STK33: variants seen among roughly 807,000 people sequenced by gnomAD.
STK33 encodes the protein serine/threonine-protein kinase 33.
STK33 carries 52 observed loss-of-function variants against 58.0 expected under a neutral mutation model. That is an observed-to-expected ratio of 0.90 (90% CI 0.72 to 1.13). The LOEUF (loss-of-function observed/expected upper bound fraction) is 1.13, where lower values mean the gene tolerates loss of function less well. Ranked by LOEUF, STK33 falls within the 50% of genes most tolerant of loss-of-function variation. The pLI is 0.00. For missense variants in STK33, 630 were observed against 604.2 expected (o/e 1.04, Z -0.45); for synonymous variants, 215 against 200.1 (o/e 1.07, Z -0.63).
At chr11:8,396,739 T>C (rs1475636517) in intron 15 of STK33, among the ~76,000 whole-genome samples, 1 of 152,198 alleles carries the variant, frequency 6.6e-6, no homozygotes, top group Non-Finnish European at 1.5e-5. Flanking sequence ...CAGATGGCAC[T>C]TGGAAAATCG....
chr11:8,571,594 G>A (rs1017500779), intron 1 of STK33, among the ~76,000 whole-genome samples: 2 of 152,164 alleles, frequency 1.3e-5, no homozygotes, highest in African/African-American at 4.8e-5. Flanking sequence ...AACACTTTGG[G>A]AGGCTGAGGC....
At chr11:8,534,532 T>TTCTCTCTCTCTCTCTCTC (rs61429377) in intron 1 of STK33, among the ~76,000 whole-genome samples, 1 of 122,450 alleles carries the variant, frequency 8.2e-6, no homozygotes, top group African/African-American at 3.2e-5. Flanking sequence ...GTATATATAT[T>TTCTCTCTCTCTCTCTCTC]TCTCTCTCTC....
the STK33 span, among the ~76,000 whole-genome samples, chr11:8,378,305 A>G: frequency 6.6e-6 from 1 of 152,208 alleles, no homozygotes; most frequent in South Asian, 2.1e-4. Context: ...GATCACCTGA[A>G]GTCGGGAGTT....
intron 1 of STK33, among the ~76,000 whole-genome samples, chr11:8,505,114 A>T (rs1175393793): frequency 6.6e-6 from 1 of 152,186 alleles, no homozygotes; most frequent in East Asian, 1.9e-4. Context: ...ATATTTACCA[A>T]CACACCACTG....
At chr11:8,505,877 T>C (rs1301075126) in intron 1 of STK33, among the ~76,000 whole-genome samples, 1 of 152,202 alleles carries the variant, frequency 6.6e-6, no homozygotes, top group Non-Finnish European at 1.5e-5. Context: ...ACTAACTAGC[T>C]GTGAGCCCTC....
At chr11:8,380,882 C>T in the STK33 span, among the ~76,000 whole-genome samples, 3 of 152,184 alleles carry the variant, frequency 2.0e-5, no homozygotes, top group Non-Finnish European at 4.4e-5. Context: ...GGTATATATA[C>T]ACCGTGGCAT....
chr11:8,562,098 G>C (rs1389861297), intron 1 of STK33, among the ~76,000 whole-genome samples: 1 of 152,106 alleles, frequency 6.6e-6, no homozygotes, highest in East Asian at 1.9e-4. Flanking sequence ...TTCTTTAAGT[G>C]AATACAGATG....
chr11:8,530,257 T>C (rs774692092), intron 1 of STK33, among the ~76,000 whole-genome samples: 5 of 151,890 alleles, frequency 3.3e-5, no homozygotes, highest in African/African-American at 7.3e-5. Flanking sequence ...GAAGGAGGTA[T>C]TAAGCATTAA....
intron 1 of STK33, among the ~76,000 whole-genome samples, chr11:8,559,019 C>T (rs1395378122): frequency 6.6e-6 from 1 of 152,152 alleles, no homozygotes; most frequent in African/African-American, 2.4e-5. Context: ...AAAACAGCCA[C>T]AATTTCTAAA....
At position 8,464,826 on chromosome 11, in the gene STK33, G is replaced by GAA. The variant is rs781119314; in HGVS notation, c.340-5_340-4insTT. 16 of 1,460,368 alleles carry GAA rather than the reference G, an allele frequency of 1.1e-5. No homozygotes were observed. Among genetic ancestry groups the GAA allele is most frequent in the Admixed American group, 1.0e-4 (5 of 49,172 alleles). 90.5% of individuals were successfully genotyped at this position (1,460,368 alleles called of 1,614,324 possible). On this transcript the variant is annotated splice_region_variant and splice_polypyrimidine_tract_variant and intron_variant, in intron 6 of 15. Transcript: ENST00000687296. The stretch of plus-strand genomic sequence containing the variant: ...TTCTTCCAAAGGTATAGATTTCCTG[G>GAA]AGAAAAAAAAAAAAAGAGTTGTCTC...
At position 8,482,394 on chromosome 11, in the gene STK33, G is replaced by C. The variant is rs958769316; in HGVS notation, c.-465-1780C>G. Among the ~76,000 whole-genome samples, 3 of 152,258 alleles carry C rather than the reference G, an allele frequency of 2.0e-5. No homozygotes were observed. The South Asian group carries it at 6.2e-4, about 32-fold the overall frequency. ...AGAGGTCCAAGAGAACAGGCCAAAT[G>C]AGAATCCAGCCATCTAATAGTTTAT... On this transcript the variant is annotated intron_variant, in intron 1 of 15. Coordinates refer to ENST00000687296, the MANE Select transcript of STK33 (RefSeq NM_001352389.2).
chr11:8,431,341 A>C (rs1262559984), intron 14 of STK33, among the ~76,000 whole-genome samples: 1 of 152,202 alleles, frequency 6.6e-6, no homozygotes, highest in African/African-American at 2.4e-5. Flanking sequence ...GGTATCAGAA[A>C]ATTTCCATCC....
At chr11:8,347,248 G>A in the STK33 span, among the ~76,000 whole-genome samples, 10 of 152,302 alleles carry the variant, frequency 6.6e-5, no homozygotes, top group South Asian at 1.5e-3. Context: ...AAGGACATCC[G>A]GCCTACTGCT....
At chr11:8,362,824 C>T in the STK33 span, among the ~76,000 whole-genome samples, 1 of 152,138 alleles carries the variant, frequency 6.6e-6, no homozygotes, top group African/African-American at 2.4e-5. Context: ...TCCCTCCTTC[C>T]TTCCTCCCTC....
intron 1 of STK33, among the ~76,000 whole-genome samples, chr11:8,569,144 A>G (rs768411420): frequency 6.6e-6 from 1 of 152,236 alleles, no homozygotes; most frequent in Non-Finnish European, 1.5e-5. Context: ...AGAAATTGGC[A>G]AAGTGATACT....
At chr11:8,493,768 C>G (rs917573063) in intron 1 of STK33, among the ~76,000 whole-genome samples, 2 of 152,170 alleles carry the variant, frequency 1.3e-5, no homozygotes, top group African/African-American at 4.8e-5. Context: ...TTGGCTTCAT[C>G]CCTGGGATGC....
chr11:8,534,930 T>C (rs1954876745), intron 1 of STK33, among the ~76,000 whole-genome samples: 1 of 152,146 alleles, frequency 6.6e-6, no homozygotes. Context: ...GTAAAATGTT[T>C]AGGAATAAAA....
chr11:8,358,262 G>A, the STK33 span, among the ~76,000 whole-genome samples: 1 of 150,306 alleles, frequency 6.7e-6, no homozygotes, highest in African/African-American at 2.4e-5. Context: ...AGGACTGGGG[G>A]AGTCCCAGCT....
chr11:8,493,009 T>C (rs1392485369), intron 1 of STK33, among the ~76,000 whole-genome samples: 1 of 152,060 alleles, frequency 6.6e-6, no homozygotes, highest in African/African-American at 2.4e-5. Context: ...AGATCTAAAA[T>C]TGACACCCTA....
Sources: gnomAD v4.1 joint callset for allele counts (sites outside exome capture counted in the v4.1 genomes callset) on GRCh38, gnomAD v4.1.1 for gene constraint, MANE v1.5 for transcripts, NCBI Gene and HGNC (gene_info 2026-07-23, HGNC 2026-07-21) for gene names.